CYB5R4: variants seen among roughly 807,000 people sequenced by gnomAD.
CYB5R4 encodes N-terminal cytochrome b5 and cytochrome b5 oxidoreductase domain-containing protein.
CYB5R4 carries 55 observed loss-of-function variants against 70.2 expected under a neutral mutation model. That is an observed-to-expected ratio of 0.78 (90% confidence interval 0.63 to 0.98). CYB5R4 has a LOEUF of 0.98. CYB5R4 is among the 50% of genes least tolerant of loss of function. CYB5R4 has a pLI of 0.00. For synonymous variants in CYB5R4, 197 were observed against 199.5 expected, an observed-to-expected ratio of 0.99 and a Z score of 0.11; for missense variants, 562 against 612.6, an observed-to-expected ratio of 0.92 and a Z score of 0.87.
intron 3 of CYB5R4, among the ~76,000 whole-genome samples, chr6:83,908,694 C>A (rs1328231736): frequency 1.3e-5 from 2 of 151,946 alleles, no homozygotes; most frequent in Non-Finnish European, 2.9e-5. Context: ...TTTATAGCAT[C>A]AGAGCAAATG....
chr6:83,860,074 T>G (rs1294881968), intron 1 of CYB5R4, among the ~76,000 whole-genome samples: 1 of 152,094 alleles, frequency 6.6e-6, no homozygotes, highest in African/African-American at 2.4e-5. Flanking sequence ...TTCTTTCTGG[T>G]CCTTTATCCC....
chr6:83,912,388 G>A (rs561703907), intron 4 of CYB5R4, among the ~76,000 whole-genome samples: 4 of 152,284 alleles, frequency 2.6e-5, no homozygotes, highest in African/African-American at 9.6e-5. Context: ...ATTAAAGAAT[G>A]AGCATATTGG....
chr6:83,948,255 A>C (rs1468673272), intron 14 of CYB5R4, among the ~76,000 whole-genome samples: 1 of 152,210 alleles, frequency 6.6e-6, no homozygotes, highest in African/African-American at 2.4e-5. Flanking sequence ...CATTCTCAGC[A>C]AACTAACACA....
chr6:83,864,425 C>T (rs888338778), intron 2 of CYB5R4, 97 bp downstream of exon 2: 1 of 1,116,632 alleles, frequency 9.0e-7, no homozygotes, highest in Non-Finnish European at 1.3e-6. Flanking sequence ...AAACAATTGA[C>T]AATTTAACAA....
At chr6:83,875,631 T>C (rs1397465128) in intron 2 of CYB5R4, among the ~76,000 whole-genome samples, 4 of 152,142 alleles carry the variant, frequency 2.6e-5, no homozygotes, top group Non-Finnish European at 5.9e-5. Flanking sequence ...GTACAGCTAC[T>C]CCATAGGACA....
chr6:83,893,856 C>T (rs61762808), intron 3 of CYB5R4, among the ~76,000 whole-genome samples: 2 of 152,212 alleles, frequency 1.3e-5, no homozygotes, highest in Non-Finnish European at 2.9e-5. Flanking sequence ...TTTAAGTGTT[C>T]GCTGCCTCCT....
chr6:83,868,367 A>G (rs61761488), intron 2 of CYB5R4, among the ~76,000 whole-genome samples: 4,155 of 152,268 alleles, frequency 0.027, 165 homozygotes, highest in African/African-American at 0.094. Flanking sequence ...TTGAATAAGT[A>G]GCAGCATTTC....
intron 3 of CYB5R4, among the ~76,000 whole-genome samples, chr6:83,896,793 T>C (rs2099461973): frequency 6.6e-6 from 1 of 152,212 alleles, no homozygotes; most frequent in Non-Finnish European, 1.5e-5. Context: ...AGATACCCAA[T>C]AGTGGGATTG....
At chr6:83,873,863 C>G (rs6928436) in intron 2 of CYB5R4, among the ~76,000 whole-genome samples, 1 of 151,720 alleles carries the variant, frequency 6.6e-6, no homozygotes, top group Non-Finnish European at 1.5e-5. Flanking sequence ...TGAGCTGAGA[C>G]CTGAAGGATA....
chr6:83,873,096 T>C (rs989571038), intron 2 of CYB5R4, among the ~76,000 whole-genome samples: 2 of 152,222 alleles, frequency 1.3e-5, no homozygotes, highest in Non-Finnish European at 2.9e-5. Context: ...AAGTTAATCA[T>C]GCTTTAGCAT....
rs146871676 is a variant in CYB5R4 at position 83,893,595 on chromosome 6, A to T, written c.303A>T (p.Gly101=). The change falls in exon 3 of 16, where the codon GGA becomes GGT. Residue 101 remains glycine (G), a synonymous_variant. Coordinates refer to ENST00000369681, the MANE Select transcript of CYB5R4 (RefSeq NM_016230.4). Reference sequence around the variant, plus strand: ...AAGATGAACTAATGAGAGCAGCAGGATCAGATGGTACTGAACTTTTTGATC... The same window carrying T: ...AAGATGAACTAATGAGAGCAGCAGGTTCAGATGGTACTGAACTTTTTGATC... ...GGEDELMRAA[G]SDGTELFDQV... is the part of the protein sequence containing the mutation. The T allele has an allele frequency of 3.8e-4, 608 of 1,612,530 alleles. 4 individuals carry two copies. The highest frequency in any genetic ancestry group is 2.0e-3 in the South Asian group (184 of 91,012).
chr6:83,890,502 G>A (rs1206942944), intron 2 of CYB5R4, among the ~76,000 whole-genome samples: 1 of 152,200 alleles, frequency 6.6e-6, no homozygotes, highest in Non-Finnish European at 1.5e-5. Flanking sequence ...TCTACTCTTG[G>A]TGGAAGATAC....
chr6:83,923,480 GGTGTT>G (rs527271256), intron 9 of CYB5R4, among the ~76,000 whole-genome samples: 172 of 152,100 alleles, frequency 1.1e-3, no homozygotes, highest in African/African-American at 4.1e-3. Flanking sequence ...ATTGTTACTG[GGTGTT>G]GTGTTCACTA....
Position 83,934,642 on chromosome 6 carries a change from C to G in CYB5R4, c.862C>G (p.His288Asp). ...CQLISKEDVT[H>D]DTRLFCLMLP... ...GTTAATTTCCAAGGAAGATGTTACT[C>G]ATGATACGAGGCTTTTCTGTTTGAT... The change falls in exon 11 of 16, where the codon CAT becomes GAT. Residue 288 changes from histidine to aspartate, a missense_variant. By Grantham distance (81) the His-to-Asp change is moderately conservative (BLOSUM62 -1). Transcript: ENST00000369681. The G allele has an allele frequency of 6.2e-7, 1 of 1,613,020 alleles. No individual in the cohort carries two copies. Among genetic ancestry groups the G allele is most frequent in the South Asian group, 1.1e-5 (1 of 91,016 alleles).
intron 2 of CYB5R4, among the ~76,000 whole-genome samples, chr6:83,867,086 G>C (rs2099456843): frequency 6.6e-6 from 1 of 152,210 alleles, no homozygotes; most frequent in Admixed American, 6.5e-5. Flanking sequence ...GATGGAGGAA[G>C]GATAAATTAT....
intron 2 of CYB5R4, among the ~76,000 whole-genome samples, chr6:83,885,506 G>A (rs1562830228): frequency 2.0e-5 from 3 of 152,274 alleles, no homozygotes; most frequent in South Asian, 2.1e-4. Flanking sequence ...TTGGTGAGCC[G>A]TTATGGTTCA....
chr6:83,910,795 G>A (rs1014191876), intron 4 of CYB5R4, among the ~76,000 whole-genome samples: 34 of 152,248 alleles, frequency 2.2e-4, no homozygotes, highest in African/African-American at 7.9e-4. Flanking sequence ...GAGAAAATAT[G>A]AACTTCTAAA....
At chr6:83,923,168 G>A (rs1285286813) in intron 9 of CYB5R4, among the ~76,000 whole-genome samples, 1 of 151,434 alleles carries the variant, frequency 6.6e-6, no homozygotes, top group African/African-American at 2.4e-5. Context: ...ATATTTAAAT[G>A]TTTAATGTTG....
At chr6:83,930,107 TA>T (rs953846935) in intron 10 of CYB5R4, among the ~76,000 whole-genome samples, 1 of 152,196 alleles carries the variant, frequency 6.6e-6, no homozygotes, top group African/African-American at 2.4e-5. Flanking sequence ...AGTATATTAC[TA>T]AAAAATGCTA....
Sources: allele counts gnomAD v4.1 joint callset (sites outside exome capture counted in the v4.1 genomes callset), GRCh38; gene constraint gnomAD v4.1.1; transcripts MANE v1.5; gene names NCBI Gene and HGNC (gene_info 2026-07-23, HGNC 2026-07-21).